RBM3: variants seen among roughly 807,000 people sequenced by gnomAD.
RBM3 encodes the protein RNA-binding protein 3.
RBM3 carries 3 observed loss-of-function variants against 12.0 expected under a neutral mutation model. The observed-to-expected ratio is 0.25, with a 90% CI of 0.11 to 0.65. RBM3 has a LOEUF of 0.65. RBM3 is among the 30% of genes least tolerant of loss of function. The pLI is 0.84. For synonymous variants in RBM3, 58 were observed against 45.7 expected, an observed-to-expected ratio of 1.27 and a Z score of -1.08; for missense variants, 108 against 134.5, an observed-to-expected ratio of 0.80 and a Z score of 0.97.
At position 48,578,990 on chromosome X, in the gene RBM3, C is replaced by T. The variant is rs1417532259; in HGVS notation, c.*1549C>T. The T allele has an allele frequency of 2.7e-5, 3 of 111,751 alleles. No homozygotes were observed. Among genetic ancestry groups the T allele is most frequent in the Non-Finnish European group, 5.6e-5 (3 of 53,165 alleles). The allele number at this position is 111,751 out of a possible 1,213,427, so 9.2% of individuals were successfully genotyped here. On this transcript the variant is annotated 3_prime_UTR_variant, in exon 7 of 7. Transcript: ENST00000376759. ...TCAGCCTTATGCCATTTTACATTTT[C>T]TGTGGAGGGTTAGGTTAATTGGCAT...
chrX:48,575,302 A>C lies in RBM3; in HGVS notation c.103+19A>C. 1.0e-5 allele frequency: 12 copies of C among 1,160,461 alleles called. No individual in the cohort carries two copies. Among genetic ancestry groups the C allele is most frequent in the African/African-American group, 5.3e-5 (3 of 56,831 alleles). Reference sequence around the variant, plus strand: ...TCTGAGGGTGAGACGGGCCATACTCACAATGGGGGTTGGTGAGAGAAAGTC... The same window carrying C: ...TCTGAGGGTGAGACGGGCCATACTCCCAATGGGGGTTGGTGAGAGAAAGTC... On this transcript the variant is annotated intron_variant, in intron 2 of 6. Transcript: ENST00000376759.
chrX:48,574,823 C>G (rs1556988826), intron 1 of RBM3: 2 of 344,434 alleles, frequency 5.8e-6, no homozygotes, highest in East Asian at 8.9e-5. Flanking sequence ...ACGCGACAGC[C>G]GACACTTACT....
intron 3 of RBM3, chrX:48,576,067 C>T: frequency 8.9e-7 from 1 of 1,118,606 alleles, no homozygotes; most frequent in Non-Finnish European, 1.2e-6. Context: ...AGAACTCAGC[C>T]TGAGTTCAGT....
At position 48,577,922 on chromosome X, in the gene RBM3, C is replaced by G. The variant is rs2062088173; in HGVS notation, c.*481C>G. The G allele has an allele frequency of 8.7e-6, 1 of 114,899 alleles. No homozygotes were observed. The highest frequency in any genetic ancestry group is 3.3e-5 in the African/African-American group (1 of 30,679). 9.5% of individuals were successfully genotyped at this position (114,899 alleles called of 1,213,427 possible). On this transcript the variant is annotated 3_prime_UTR_variant, in exon 7 of 7. Coordinates refer to ENST00000376759, the MANE Select transcript of RBM3 (RefSeq NM_006743.5). ...ATGGTGAAACCCCATCTGTACTAAA[C>G]ATAAAAAAATTAGCCTGGCATGGTG...
chrX:48,577,009 T>TG lies in RBM3; in HGVS notation c.414-17_414-16insG. The TG allele has an allele frequency of 8.3e-7, 1 of 1,203,650 alleles. No individual in the cohort carries two copies. Among genetic ancestry groups the TG allele is most frequent in the Non-Finnish European group, 1.1e-6 (1 of 891,450 alleles). On this transcript the variant is annotated splice_polypyrimidine_tract_variant and intron_variant, in intron 5 of 6. Coordinates refer to ENST00000376759, the MANE Select transcript of RBM3 (RefSeq NM_006743.5). Reference sequence around the variant, plus strand: ...TGCAGTACCAGAAAACTTTTGTGTGTTTTTTTTCCCCCCCAGAAACCAGGG... The same window carrying TG: ...TGCAGTACCAGAAAACTTTTGTGTGTGTTTTTTTCCCCCCCAGAAACCAGGG...
At chrX:48,577,388 C>T (rs1205668617) in intron 6 of RBM3, 77 bp from the exon 7 acceptor site, 3 of 839,645 alleles carry the variant, frequency 3.6e-6, no homozygotes, top group Non-Finnish European at 5.0e-6. Context: ...TCAGCATCTT[C>T]ATCAGCTCTA....
intron 2 of RBM3, 52 bp from the exon 3 acceptor site, chrX:48,575,509 C>G (rs2062076397): frequency 9.2e-7 from 1 of 1,088,145 alleles, no homozygotes; most frequent in Admixed American, 2.5e-5. Flanking sequence ...TGCTACTTAA[C>G]CTTTGGGGTA....
rs2062073208 is a variant in RBM3 at position 48,574,909 on chromosome X, A to G, written c.-13-259A>G. ...ACGCAGGGATGTTCTGGGCTTGCGC[A>G]GTGGCACAAAATGACGGGCGTGGCG... On this transcript the variant is annotated intron_variant, in intron 1 of 6. Coordinates refer to ENST00000376759, the MANE Select transcript of RBM3 (RefSeq NM_006743.5). The G allele has an allele frequency of 7.1e-6, 3 of 424,015 alleles. No homozygotes were observed. In the South Asian group the frequency reaches 8.2e-5, roughly 12 times the overall value. 34.9% of individuals were successfully genotyped at this position (424,015 alleles called of 1,213,427 possible).
chrX:48,574,551 G>A lies in RBM3; in HGVS notation c.-36G>A. 3.0e-6 allele frequency: 1 copy of A among 332,583 alleles called. No homozygotes were observed. Among genetic ancestry groups the A allele is most frequent in the Non-Finnish European group, 5.9e-6 (1 of 170,434 alleles). The allele number at this position is 332,583 out of a possible 1,213,427, so 27.4% of individuals were successfully genotyped here. A position where few individuals can be genotyped will look rare whatever the true frequency, so the allele number is the denominator to read the frequency against. ...TCCTCCGAGCTCGCTGTTCGTCCGG[G>A]TTTTTTACGTTTTAATTTCCAGGTA... On this transcript the variant is annotated 5_prime_UTR_variant, in exon 1 of 7. Coordinates refer to ENST00000376759, the MANE Select transcript of RBM3 (RefSeq NM_006743.5).
intron 1 of RBM3, 59 bp downstream of exon 1, chrX:48,574,632 C>T (rs1602130330): frequency 3.0e-6 from 1 of 330,848 alleles, no homozygotes; most frequent in South Asian, 2.6e-5. Context: ...CCGCGCCGGC[C>T]GTGACCGGGG....
chrX:48,575,858 C>T (rs1388410720), intron 3 of RBM3, 191 bp downstream of exon 3: 4 of 526,573 alleles, frequency 7.6e-6, no homozygotes, highest in South Asian at 3.2e-5. Flanking sequence ...GCCTGGGAGG[C>T]GACGACTGGT....
At chrX:48,576,695 G>A in intron 5 of RBM3, 91 bp downstream of exon 5, 1 of 1,092,440 alleles carries the variant, frequency 9.2e-7, no homozygotes, top group Non-Finnish European at 1.2e-6. Flanking sequence ...ACACCTTGCT[G>A]TTACTAATGT....
In RBM3 at chrX:48,578,429, G is replaced by A. The variant is rs1334087874; in HGVS notation, c.*988G>A. 2.7e-5 allele frequency: 3 copies of A among 110,429 alleles called. No homozygotes were observed. The highest frequency in any genetic ancestry group is 3.8e-4 in the South Asian group (1 of 2,614). The allele number at this position is 110,429 out of a possible 1,213,427, so 9.1% of individuals were successfully genotyped here. On this transcript the variant is annotated 3_prime_UTR_variant, in exon 7 of 7. Transcript: ENST00000376759. The stretch of plus-strand genomic sequence containing the variant: ...CTCTACTAAAAATACAAAAGTTAGC[G>A]GGGCGTGGTGGCGGGTGCATGTAAT...
chrX:48,579,367 C>T lies in RBM3; in HGVS notation c.*1926C>T, dbSNP rs1445284462. ...GAACCCTGTATTATTAGTTCCAGTC[C>T]TGGAGGCCTGCCTCCTGAGTTTCCC... On this transcript the variant is annotated 3_prime_UTR_variant, in exon 7 of 7. Coordinates refer to ENST00000376759, the MANE Select transcript of RBM3 (RefSeq NM_006743.5). 8.9e-6 allele frequency among the ~76,000 whole-genome samples: 1 copy of T among 112,015 alleles called. No homozygotes were observed. The highest frequency in any genetic ancestry group is 1.9e-5 in the Non-Finnish European group (1 of 53,202).
rs2062099056 is a variant in RBM3, at chrX:48,580,906, G to T, written c.*3465G>T. ...TCTGCCATTCTTACCTGCTTATCAAGACAAAACCTGCTCAAGTCCCTGCCC... is the reference window on the plus strand; with the variant it reads ...TCTGCCATTCTTACCTGCTTATCAATACAAAACCTGCTCAAGTCCCTGCCC... On this transcript the variant is annotated 3_prime_UTR_variant, in exon 7 of 7. Coordinates refer to ENST00000376759, the MANE Select transcript of RBM3 (RefSeq NM_006743.5). The T allele has an allele frequency of 9.0e-6, 1 of 111,246 alleles. No individual in the cohort carries two copies. The highest frequency in any genetic ancestry group is 9.6e-5 in the Admixed American group (1 of 10,373). The allele number at this position is 111,246 out of a possible 1,213,427, so 9.2% of individuals were successfully genotyped here. A position where few individuals can be genotyped will look rare whatever the true frequency, so the allele number is the denominator to read the frequency against.
At chrX:48,576,450 TGA>T (rs1556989261) in intron 4 of RBM3, 31 bp downstream of exon 4, 25 of 1,202,000 alleles carry the variant, frequency 2.1e-5, no homozygotes, top group Non-Finnish European at 2.6e-5. Flanking sequence ...GATCATGGGG[TGA>T]GAGGGAGAGT....
At chrX:48,575,701 C>T (rs1569485539) in intron 3 of RBM3, 34 bp downstream of exon 3, 1 of 1,132,319 alleles carries the variant, frequency 8.8e-7, no homozygotes, top group Non-Finnish European at 1.2e-6. Context: ...GACCTTGTCC[C>T]CATCTGCGGC....
Position 48,576,555 on chromosome X carries a change from C to T in RBM3, c.364C>T (p.Pro122Ser). ...YGSGRYYDSRPGGYGYGYGRS... is the reference protein window; with the variant it reads ...YGSGRYYDSRSGGYGYGYGRS... ...GAGTGGCAGGTATTATGACAGTCGA[C>T]CTGGAGGGTATGGATATGGATATGG... Residue 122 changes from proline (P) to serine (S), a missense_variant, in exon 5 of 7, where the codon CCT becomes TCT. Transcript: ENST00000376759. 8.4e-7 allele frequency: 1 copy of T among 1,184,522 alleles called. No homozygotes were observed. The highest frequency in any genetic ancestry group is 1.1e-6 in the Non-Finnish European group (1 of 881,491).
rs1293415496 is a variant in RBM3 at position 48,577,470 on chromosome X, C to G, written c.*29C>G. On this transcript the variant is annotated 3_prime_UTR_variant, in exon 7 of 7. Transcript: ENST00000376759. ...CCCCCTCTTGCTGTTCCCAGATACA[C>G]AAGGAATAATTTCTGATCCAGGATC... 6 of 1,065,367 alleles carry G rather than the reference C, an allele frequency of 5.6e-6. No individual in the cohort carries two copies. The highest frequency in any genetic ancestry group is 7.4e-6 in the Non-Finnish European group (6 of 809,651). 87.8% of individuals were successfully genotyped at this position (1,065,367 alleles called of 1,213,427 possible). A position where few individuals can be genotyped will look rare whatever the true frequency, so the allele number is the denominator to read the frequency against.
Sources: gnomAD v4.1 joint callset for allele counts (sites outside exome capture counted in the v4.1 genomes callset) on GRCh38, gnomAD v4.1.1 for gene constraint, MANE v1.5 for transcripts, NCBI Gene and HGNC (gene_info 2026-07-23, HGNC 2026-07-21) for gene names.